Variants in BCL2L13 observed in about 807,000 individuals in gnomAD.
BCL2L13 encodes bcl-2-like protein 13.
BCL2L13 carries 13 observed loss-of-function variants against 25.8 expected under a neutral mutation model. The ratio of observed to expected loss-of-function variants is 0.50; its 90% CI spans 0.33 to 0.80. BCL2L13 has a LOEUF of 0.80. BCL2L13 is among the 30% of genes least tolerant of loss of function. The pLI, the probability that BCL2L13 is intolerant of heterozygous loss-of-function variation, is 0.02. For synonymous variants in BCL2L13, 244 were observed against 230.3 expected, an observed-to-expected ratio of 1.06 and a Z score of -0.54; for missense variants, 504 against 574.9, an observed-to-expected ratio of 0.88 and a Z score of 1.26.
chr22:17,706,329 G>GT (rs945929302), intron 6 of BCL2L13, among the ~76,000 whole-genome samples: 1,365 of 136,152 alleles, frequency 0.01, 15 homozygotes, highest in African/African-American at 0.024. Context: ...TTTCTACCTT[G>GT]TTTTTTTTTT....
Position 17,728,048 on chromosome 22 carries a change from A to G in BCL2L13, c.*514A>G, listed in dbSNP as rs2061341316. On this transcript the variant is annotated 3_prime_UTR_variant, in exon 7 of 7. Transcript: ENST00000317582. ...GAACTTAGCTGTGGGCTCCTCAGCT[A>G]CTGACTTCTTAGCTCTTAATCCCCT... 6.1e-6 allele frequency: 1 copy of G among 163,414 alleles called. No individual in the cohort carries two copies. Among genetic ancestry groups the G allele is most frequent in the Non-Finnish European group, 1.4e-5 (1 of 73,506 alleles). 10.1% of individuals were successfully genotyped at this position (163,414 alleles called of 1,614,324 possible).
chr22:17,706,329 GTTTT>G (rs945929302), intron 6 of BCL2L13, among the ~76,000 whole-genome samples: 47 of 136,276 alleles, frequency 3.4e-4, no homozygotes, highest in African/African-American at 1.2e-3. Context: ...TTTCTACCTT[GTTTT>G]TTTTTTTTTT....
intron 3 of BCL2L13, among the ~76,000 whole-genome samples, chr22:17,687,961 G>A (rs2059994726): frequency 6.6e-6 from 1 of 151,956 alleles, no homozygotes; most frequent in Admixed American, 6.6e-5. Flanking sequence ...GGGGTTACAG[G>A]CATGCACCAT....
rs1370283413 is a variant in BCL2L13, at chr22:17,728,443, T to A, written c.*909T>A. 6.6e-6 allele frequency: 1 copy of A among 152,256 alleles called. No homozygotes were observed. The highest frequency in any genetic ancestry group is 1.9e-4 in the East Asian group (1 of 5,196). The allele number at this position is 152,256 out of a possible 1,614,324, so 9.4% of individuals were successfully genotyped here. A position where few individuals can be genotyped will look rare whatever the true frequency, so the allele number is the denominator to read the frequency against. ...TGTCAAGGCAGGAGGATAACCTGGA[T>A]GACCTTCTGAGGTCTCTTCAGCCCT... On this transcript the variant is annotated 3_prime_UTR_variant, in exon 7 of 7. Transcript: ENST00000317582.
intron 6 of BCL2L13, among the ~76,000 whole-genome samples, chr22:17,719,169 A>AAG (rs2061030754): frequency 6.6e-6 from 1 of 151,104 alleles, no homozygotes; most frequent in Non-Finnish European, 1.5e-5. Flanking sequence ...AAAAAAAAAA[A>AAG]AAAAAAAAGA....
chr22:17,726,265 C>T (rs187077016), intron 6 of BCL2L13, among the ~76,000 whole-genome samples: 19 of 151,346 alleles, frequency 1.3e-4, no homozygotes, highest in African/African-American at 4.6e-4. Flanking sequence ...GCAGGAGAAT[C>T]GCTTGAACCT....
At chr22:17,696,325 A>G (rs2060263405) in intron 5 of BCL2L13, 115 bp downstream of exon 5, 1 of 875,872 alleles carries the variant, frequency 1.1e-6, no homozygotes, top group Admixed American at 2.0e-5. Flanking sequence ...TTTAATGCAC[A>G]AATCTATGTT....
intron 6 of BCL2L13, among the ~76,000 whole-genome samples, chr22:17,722,482 T>C (rs945471445): frequency 6.6e-6 from 1 of 151,718 alleles, no homozygotes; most frequent in Non-Finnish European, 1.5e-5. Flanking sequence ...CCTCAAATGA[T>C]CCTCCTGCCT....
At chr22:17,697,595 C>T (rs1314719126) in intron 5 of BCL2L13, among the ~76,000 whole-genome samples, 1 of 152,086 alleles carries the variant, frequency 6.6e-6, no homozygotes, top group Non-Finnish European at 1.5e-5. Flanking sequence ...TGAGATAATA[C>T]ATGTTCAGTA....
intron 6 of BCL2L13, 58 bp from the exon 7 acceptor site, chr22:17,726,619 T>A (rs2061305663): frequency 6.5e-7 from 1 of 1,542,090 alleles, no homozygotes. Context: ...TCCAGATTGA[T>A]GTTTATGTTT....
chr22:17,689,019 C>G lies in BCL2L13; in HGVS notation c.263C>G (p.Ser88Cys), dbSNP rs372850627. ...AGCACAGGCTTTGACCGTCACACTT[C>G]TCCAGTGTTCAGCCCTGCCAATCCA... ...FTSTGFDRHT[S>C]PVFSPANPES... The change falls in exon 4 of 7, where the codon TCT becomes TGT. Residue 88 changes from serine to cysteine, a missense_variant. Physicochemically the swap from Ser to Cys is moderately radical, Grantham distance 112. Transcript: ENST00000317582. 3.6e-5 allele frequency: 58 copies of G among 1,614,002 alleles called. No homozygotes were observed. Among genetic ancestry groups the G allele is most frequent in the Non-Finnish European group, 4.7e-5 (56 of 1,179,996 alleles).
At chr22:17,637,364 G>A (rs1292474781), upstream of BCL2L13, among the ~76,000 whole-genome samples, 3 of 146,340 alleles carry the variant, frequency 2.1e-5, no homozygotes, top group South Asian at 2.1e-4. Flanking sequence ...CTGAGATCGC[G>A]CCCCTGCACT....
At chr22:17,722,300 C>T (rs1020781991) in intron 6 of BCL2L13, among the ~76,000 whole-genome samples, 3 of 151,650 alleles carry the variant, frequency 2.0e-5, no homozygotes, top group Non-Finnish European at 4.4e-5. Context: ...ACGATCATAG[C>T]TCAGTGCAGA....
chr22:17,632,816 C>CAAT (rs980715438), intron 1 of BCL2L13, among the ~76,000 whole-genome samples: 3 of 144,448 alleles, frequency 2.1e-5, no homozygotes, highest in Non-Finnish European at 4.5e-5. Flanking sequence ...TGCAGTGGTG[C>CAAT]AATCTTGGCT....
chr22:17,685,769 T>C (rs1264103774), intron 3 of BCL2L13, among the ~76,000 whole-genome samples: 3 of 100,264 alleles, frequency 3.0e-5, no homozygotes, highest in African/African-American at 8.6e-5. Flanking sequence ...TCTTTTTTTT[T>C]TTTTTTTTTT....
intron 6 of BCL2L13, among the ~76,000 whole-genome samples, chr22:17,710,831 C>T (rs1056271492): frequency 6.6e-6 from 1 of 151,454 alleles, no homozygotes; most frequent in South Asian, 2.1e-4. Context: ...GAGTCAAGAT[C>T]GAGCCACTGC....
chr22:17,640,514 A>T (rs1317114389), intron 1 of BCL2L13, among the ~76,000 whole-genome samples: 1 of 152,118 alleles, frequency 6.6e-6, no homozygotes, highest in East Asian at 1.9e-4. Context: ...ATTAAATATC[A>T]CACACATTAA....
chr22:17,726,558 G>A (rs2061304211), intron 6 of BCL2L13, 119 bp from the exon 7 acceptor site: 4 of 1,191,954 alleles, frequency 3.4e-6, no homozygotes, highest in Non-Finnish European at 3.5e-6. Context: ...AACTATGTAG[G>A]TTTAAACAGT....
intron 1 of BCL2L13, among the ~76,000 whole-genome samples, chr22:17,644,802 ATTTC>A (rs963868730): frequency 2.7e-5 from 4 of 147,874 alleles, no homozygotes; most frequent in East Asian, 3.9e-4. Flanking sequence ...AGTGCTAGGA[ATTTC>A]TTTTTTTTTT....
Sources: allele counts gnomAD v4.1 joint callset (sites outside exome capture counted in the v4.1 genomes callset), GRCh38; gene constraint gnomAD v4.1.1; transcripts MANE v1.5; gene names NCBI Gene and HGNC (gene_info 2026-07-23, HGNC 2026-07-21).